The following ESYT2 variants were observed in gnomAD, a reference collection of about 807,000 sequenced individuals.
The protein encoded by ESYT2 is extended synaptotagmin-2.
In ESYT2, 54 loss-of-function variants were observed where a neutral mutation model predicts 107.2. The observed-to-expected ratio is 0.50, with a 90% confidence interval of 0.40 to 0.63. The LOEUF is 0.63. Ranked by LOEUF, ESYT2 falls within the 30% of genes least tolerant of loss-of-function variation. ESYT2 has a pLI of 0.00. For synonymous variants in ESYT2, 491 were observed against 434.1 expected (o/e 1.13, Z -1.63); for missense variants, 1,020 against 1,094.5 (o/e 0.93, Z 0.96).
rs576436965 is a variant in ESYT2, at chr7:158,760,988, G to T, written c.1233+508C>A. 3.9e-5 allele frequency among the ~76,000 whole-genome samples: 6 copies of T among 152,296 alleles called. No homozygotes were observed. The East Asian group carries it at 9.6e-4, about 24-fold the overall frequency. On this transcript the variant is annotated intron_variant, in intron 11 of 22. Coordinates refer to ENST00000275418, the MANE Select transcript of ESYT2 (RefSeq NM_001367773.1). Reference sequence around the variant, plus strand: ...TCTAAATCTTACCCTTCTTTTAGAAGCCACCACAAATGTTTCCTTTTTGAT... The same window carrying T: ...TCTAAATCTTACCCTTCTTTTAGAATCCACCACAAATGTTTCCTTTTTGAT...
intron 1 of ESYT2, among the ~76,000 whole-genome samples, chr7:158,811,397 A>G (rs1839991282): frequency 6.6e-6 from 1 of 152,186 alleles, no homozygotes; most frequent in African/African-American, 2.4e-5. Flanking sequence ...GTCCTTAAAG[A>G]GCACATGGCT....
intron 3 of ESYT2, among the ~76,000 whole-genome samples, chr7:158,796,708 C>T (rs6972490): frequency 0.012 from 1,849 of 152,274 alleles, 25 homozygotes; most frequent in African/African-American, 0.039. Flanking sequence ...GATGGCCTCC[C>T]GGCAGATGGG....
In ESYT2 at chr7:158,782,619, G is replaced by C. The variant is rs562534739; in HGVS notation, c.747+5385C>G. On this transcript the variant is annotated intron_variant, in intron 6 of 22. Coordinates refer to ENST00000275418, the MANE Select transcript of ESYT2 (RefSeq NM_001367773.1). ...AGGAACAAGAGCGTGTGACAAATGA[G>C]AACATGTGAAGTGGGTATGTGAGAA... is the stretch of plus-strand genomic sequence containing the variant. Among the ~76,000 whole-genome samples the C allele has an allele frequency of 8.8e-5, 13 of 146,950 alleles. No homozygotes were observed. The South Asian group carries it at 2.9e-3, about 33-fold the overall frequency.
intron 1 of ESYT2, among the ~76,000 whole-genome samples, chr7:158,804,371 G>A (rs1429568422): frequency 6.7e-6 from 1 of 148,246 alleles, no homozygotes; most frequent in African/African-American, 2.6e-5. Context: ...CCAAACCGTT[G>A]AGAAGGGTGA....
intron 11 of ESYT2, 72 bp from the exon 12 acceptor site, chr7:158,760,219 A>G: frequency 2.2e-6 from 3 of 1,392,690 alleles, no homozygotes; most frequent in African/African-American, 1.4e-5. Flanking sequence ...CCCAGTCTCT[A>G]CAAATGTTCC....
At chr7:158,763,984 G>A (rs879582427) in intron 9 of ESYT2, among the ~76,000 whole-genome samples, 15 of 152,164 alleles carry the variant, frequency 9.9e-5, no homozygotes, top group Non-Finnish European at 2.1e-4. Flanking sequence ...CTGTTCTGAA[G>A]GGTAATTCTA....
In ESYT2 at chr7:158,828,876, C is replaced by T. The variant is rs575800973; in HGVS notation, c.330+213G>A. Among the ~76,000 whole-genome samples the T allele has an allele frequency of 2.0e-3, 265 of 132,842 alleles. 1 individual carries two copies. The highest frequency in any genetic ancestry group is 6.7e-3 in the African/African-American group (242 of 36,058). The allele number at this position is 132,842 out of a possible 152,430, so 87.1% of individuals were successfully genotyped here. ...GGTTGGCAGGTCGCAGGAACCGGCCCGGGGGCCGGGGCTGGGGTCTGCACT... is the reference window on the plus strand; with the variant it reads ...GGTTGGCAGGTCGCAGGAACCGGCCTGGGGGCCGGGGCTGGGGTCTGCACT... On this transcript the variant is annotated intron_variant, in intron 1 of 22. Transcript: ENST00000275418.
chr7:158,734,578 CAAGA>C (rs1175572503), intron 21 of ESYT2, 107 bp from the exon 22 acceptor site: 1 of 1,014,506 alleles, frequency 9.9e-7, no homozygotes, highest in African/African-American at 1.6e-5. Flanking sequence ...CTCTTAAGCC[CAAGA>C]GTTTGAGACC....
At chr7:158,783,025 TCCTTCCC>T (rs757075686) in intron 6 of ESYT2, among the ~76,000 whole-genome samples, 3 of 152,106 alleles carry the variant, frequency 2.0e-5, no homozygotes, top group Non-Finnish European at 4.4e-5. Context: ...AGCGTGCCCC[TCCTTCCC>T]CATGGACACG....
At chr7:158,797,796 G>C (rs1036622516) in intron 3 of ESYT2, 146 bp downstream of exon 3, 8 of 1,072,106 alleles carry the variant, frequency 7.5e-6, no homozygotes, top group Admixed American at 2.9e-5. Context: ...AGAGTTTGCA[G>C]TGAGCCAAGA....
intron 16 of ESYT2, among the ~76,000 whole-genome samples, chr7:158,746,159 T>C (rs1440704019): frequency 2.0e-5 from 3 of 152,026 alleles, no homozygotes; most frequent in South Asian, 2.1e-4. Flanking sequence ...GGTGGATAGA[T>C]GGCTTGAGCT....
chr7:158,741,288 C>T (rs144516450), intron 18 of ESYT2, among the ~76,000 whole-genome samples: 7 of 152,338 alleles, frequency 4.6e-5, no homozygotes, highest in East Asian at 1.9e-4. Flanking sequence ...TACTCCATCA[C>T]GTTCTAATCT....
intron 6 of ESYT2, among the ~76,000 whole-genome samples, chr7:158,779,801 T>C (rs1303539175): frequency 6.6e-6 from 1 of 152,208 alleles, no homozygotes; most frequent in East Asian, 1.9e-4. Context: ...CCATATTTGC[T>C]TCTATGCCTA....
At chr7:158,762,112 C>T (rs1563634133) in intron 10 of ESYT2, among the ~76,000 whole-genome samples, 1 of 152,010 alleles carries the variant, frequency 6.6e-6, no homozygotes, top group African/African-American at 2.4e-5. Flanking sequence ...CATTCCCGTT[C>T]CCCTAAACCT....
At chr7:158,798,951 G>T in intron 2 of ESYT2, 80 bp downstream of exon 2, 1 of 1,432,088 alleles carries the variant, frequency 7.0e-7, no homozygotes, top group Non-Finnish European at 9.7e-7. Flanking sequence ...TTACCAACAT[G>T]CAAATCCCCA....
At chr7:158,734,285 G>T (rs1836840219) in intron 22 of ESYT2, 33 bp from the exon 23 acceptor site, 1 of 1,614,010 alleles carries the variant, frequency 6.2e-7, no homozygotes, top group Non-Finnish European at 8.5e-7. Flanking sequence ...GGTGGTGACG[G>T]ATACAGGACC....
At chr7:158,826,942 A>G (rs1379308744) in intron 1 of ESYT2, among the ~76,000 whole-genome samples, 1 of 151,922 alleles carries the variant, frequency 6.6e-6, no homozygotes, top group Non-Finnish European at 1.5e-5. Context: ...AGGCAGGCGG[A>G]ACACAAGGTC....
intron 6 of ESYT2, among the ~76,000 whole-genome samples, chr7:158,781,466 T>A (rs951614564): frequency 4.0e-5 from 6 of 148,472 alleles, no homozygotes; most frequent in African/African-American, 9.9e-5. Flanking sequence ...GAGAACAAAG[T>A]GTGAGAGGTG....
chr7:158,748,627 G>T (rs1837483193), intron 15 of ESYT2, among the ~76,000 whole-genome samples: 1 of 152,116 alleles, frequency 6.6e-6, no homozygotes, highest in South Asian at 2.1e-4. Context: ...AACTGAGGAG[G>T]GTGAGCACTT....
Sources: gnomAD v4.1 joint callset for allele counts (sites outside exome capture counted in the v4.1 genomes callset) on GRCh38, gnomAD v4.1.1 for gene constraint, MANE v1.5 for transcripts, NCBI Gene and HGNC (gene_info 2026-07-23, HGNC 2026-07-21) for gene names.